The following EPHB1 variants were observed in gnomAD, a reference collection of about 807,000 sequenced individuals.
EPHB1 encodes the protein ephrin type-B receptor 1.
In EPHB1, 30 loss-of-function variants were observed where a neutral mutation model predicts 94.4. The ratio of observed to expected loss-of-function variants is 0.32; its 90% CI spans 0.24 to 0.43. The LOEUF is 0.43. Among genes scored for constraint, EPHB1 ranks in the 20% least tolerant of loss-of-function variants. The pLI is 1.00. For synonymous variants in EPHB1, 522 were observed against 489.1 expected (o/e 1.07, Z -0.89); for missense variants, 1,055 against 1,308.3 (o/e 0.81, Z 2.99).
intron 4 of EPHB1, among the ~76,000 whole-genome samples, chr3:135,108,066 C>T (rs1939291459): frequency 6.6e-6 from 1 of 152,142 alleles, no homozygotes; most frequent in South Asian, 2.1e-4. Flanking sequence ...CCATGATTGC[C>T]GAAGTATACG....
intron 1 of EPHB1, among the ~76,000 whole-genome samples, chr3:134,882,761 C>CTTTCTTTCTTTCTTT (rs59448814): frequency 1.3e-3 from 40 of 31,288 alleles, no homozygotes; most frequent in African/African-American, 2.7e-3. Flanking sequence ...TTTCTTCCTT[C>CTTTCTTTCTTTCTTT]CTTCCTTTCT....
At chr3:134,800,225 A>G (rs756272083) in intron 1 of EPHB1, among the ~76,000 whole-genome samples, 5 of 152,120 alleles carry the variant, frequency 3.3e-5, no homozygotes, top group Non-Finnish European at 4.4e-5. Context: ...CACTTATTCC[A>G]ACTATAGGAG....
chr3:134,863,521 A>T (rs1398166798), intron 1 of EPHB1, among the ~76,000 whole-genome samples: 5 of 152,218 alleles, frequency 3.3e-5, no homozygotes, highest in African/African-American at 1.2e-4. Context: ...ACTGGAACAA[A>T]AGAAGGAAGA....
intron 1 of EPHB1, among the ~76,000 whole-genome samples, chr3:134,910,837 T>G (rs1366334859): frequency 6.6e-6 from 1 of 152,338 alleles, no homozygotes; most frequent in Non-Finnish European, 1.5e-5. Flanking sequence ...CCCTTGGTGG[T>G]CCATTGATTC....
chr3:135,070,914 T>G (rs1483524333), intron 3 of EPHB1, among the ~76,000 whole-genome samples: 3 of 152,178 alleles, frequency 2.0e-5, no homozygotes, highest in Non-Finnish European at 4.4e-5. Context: ...TCATAAGCTC[T>G]TATTCTGCAC....
chr3:135,030,418 C>T (rs1296028063), intron 3 of EPHB1, among the ~76,000 whole-genome samples: 2 of 152,278 alleles, frequency 1.3e-5, no homozygotes, highest in African/African-American at 4.8e-5. Context: ...GATGTCCTTT[C>T]TGTTTGTTAG....
intron 1 of EPHB1, among the ~76,000 whole-genome samples, chr3:134,850,841 T>C (rs1025345449): frequency 5.9e-5 from 9 of 152,150 alleles, no homozygotes; most frequent in African/African-American, 2.2e-4. Flanking sequence ...GTGCAGACAG[T>C]GTCCCCAGGA....
chr3:134,861,272 G>C (rs1184408501), intron 1 of EPHB1, among the ~76,000 whole-genome samples: 1 of 152,218 alleles, frequency 6.6e-6, no homozygotes, highest in Non-Finnish European at 1.5e-5. Flanking sequence ...TCAAGGGCCA[G>C]GATATTTAAG....
At chr3:135,105,589 G>A (rs1559832053) in intron 3 of EPHB1, among the ~76,000 whole-genome samples, 1 of 152,186 alleles carries the variant, frequency 6.6e-6, no homozygotes, top group African/African-American at 2.4e-5. Context: ...GGGATAGCTT[G>A]GAGCCAGACT....
rs1259922797 is a variant in EPHB1 at position 134,951,357 on chromosome 3, C to T, written c.124-14C>T. On this transcript the variant is annotated splice_polypyrimidine_tract_variant and intron_variant, in intron 2 of 15. Transcript: ENST00000398015. This position sits in a 1 kb window ranked among gnomAD's most constrained non-coding sequence, Gnocchi z 4.5. ...TGTTTTTGCATGTGTGTGCCTGTGG[C>T]CTGCTATGTACAGTGGGAAGAAGTC... 7.8e-6 allele frequency: 12 copies of T among 1,529,610 alleles called. No homozygotes were observed. In the Admixed American group the frequency reaches 1.7e-4, roughly 21 times the overall value. The allele number at this position is 1,529,610 out of a possible 1,614,324, so 94.8% of individuals were successfully genotyped here.
intron 12 of EPHB1, among the ~76,000 whole-genome samples, chr3:135,228,673 ATGTAG>A (rs1943459959): frequency 9.2e-5 from 14 of 152,156 alleles, no homozygotes; most frequent in Admixed American, 9.2e-4. Context: ...ACCATCAAAG[ATGTAG>A]TAAACTGACA....
At chr3:134,853,863 T>C (rs1222590784) in intron 1 of EPHB1, among the ~76,000 whole-genome samples, 1 of 152,188 alleles carries the variant, frequency 6.6e-6, no homozygotes, top group Non-Finnish European at 1.5e-5. Flanking sequence ...TAGGAGCAAC[T>C]TCACATCTCC....
At chr3:135,169,788 G>A (rs1941751711) in intron 9 of EPHB1, among the ~76,000 whole-genome samples, 1 of 152,268 alleles carries the variant, frequency 6.6e-6, no homozygotes. Context: ...AATCTAGGAG[G>A]GTTAAGTGAC....
intron 1 of EPHB1, among the ~76,000 whole-genome samples, chr3:134,849,294 A>G (rs964168976): frequency 6.6e-6 from 1 of 152,186 alleles, no homozygotes; most frequent in Non-Finnish European, 1.5e-5. Flanking sequence ...TTCCCAGGTG[A>G]TGTTGATGAT....
intron 4 of EPHB1, among the ~76,000 whole-genome samples, chr3:135,122,862 C>A (rs1420632041): frequency 2.0e-5 from 3 of 152,180 alleles, no homozygotes; most frequent in African/African-American, 7.2e-5. Flanking sequence ...CTAATCATTT[C>A]TTCTTATTAC....
intron 1 of EPHB1, among the ~76,000 whole-genome samples, chr3:134,847,102 A>G (rs2036889800): frequency 1.3e-5 from 2 of 152,068 alleles, no homozygotes; most frequent in South Asian, 4.1e-4. Context: ...GCTGATTAAC[A>G]GAACGTGGCC....
Position 135,051,751 on chromosome 3 carries a change from C to T in EPHB1, c.806-54697C>T, listed in dbSNP as rs12497972. Among the ~76,000 whole-genome samples the T allele has an allele frequency of 9.9e-3, 1,515 of 152,276 alleles. 15 individuals are homozygous for T. Among genetic ancestry groups the T allele is most frequent in the Admixed American group, 0.03 (456 of 15,302 alleles). On this transcript the variant is annotated intron_variant, in intron 3 of 15. Coordinates refer to ENST00000398015, the MANE Select transcript of EPHB1 (RefSeq NM_004441.5). ...TTGTACAGGACAATCAATTTTTTCA[C>T]GTTCCATGCCTCCTGTCAGGAAGTT... is the stretch of plus-strand genomic sequence containing the variant.
chr3:134,846,595 G>A (rs956851100), intron 1 of EPHB1, among the ~76,000 whole-genome samples: 2 of 152,160 alleles, frequency 1.3e-5, no homozygotes, highest in Non-Finnish European at 2.9e-5. Flanking sequence ...TCTCCACGGA[G>A]TTGCTTCAAA....
chr3:134,876,404 G>T (rs1227815941), intron 1 of EPHB1, among the ~76,000 whole-genome samples: 1 of 152,178 alleles, frequency 6.6e-6, no homozygotes, highest in Non-Finnish European at 1.5e-5. Context: ...TAAAGGAAAA[G>T]GAAATTTATT....
Sources: gnomAD v4.1 joint callset for allele counts (sites outside exome capture counted in the v4.1 genomes callset) on GRCh38, gnomAD v4.1.1 for gene constraint, Gnocchi (gnomAD v3.1) non-coding constraint, MANE v1.5 for transcripts, NCBI Gene and HGNC (gene_info 2026-07-23, HGNC 2026-07-21) for gene names.